SLIT3: variants seen among roughly 807,000 people sequenced by gnomAD.
SLIT3 encodes the protein slit guidance ligand 3.
Under a neutral mutation model 184.0 loss-of-function variants are expected in SLIT3, and 68 were observed. That is an observed-to-expected ratio of 0.37 (90% confidence interval 0.30 to 0.45). SLIT3 has a LOEUF of 0.45. Ranked by LOEUF, SLIT3 falls within the 20% of genes least tolerant of loss-of-function variation. SLIT3 has a pLI of 1.00. For synonymous variants in SLIT3, 831 were observed against 828.6 expected (o/e 1.00, Z -0.05); for missense variants, 1,707 against 2,026.0 (o/e 0.84, Z 3.02).
intron 4 of SLIT3, among the ~76,000 whole-genome samples, chr5:169,180,333 G>T (rs57052780): frequency 0.011 from 1,609 of 152,338 alleles, 36 homozygotes; most frequent in African/African-American, 0.036. Flanking sequence ...AGTACCAGGG[G>T]TCAGATGATG....
intron 1 of SLIT3, among the ~76,000 whole-genome samples, chr5:169,268,208 C>T (rs527485482): frequency 2.6e-5 from 4 of 152,096 alleles, no homozygotes; most frequent in Non-Finnish European, 4.4e-5. Context: ...AGGTCTGTTG[C>T]GAAGGAGGAG....
chr5:168,683,275 C>T (rs1053025930), intron 32 of SLIT3, among the ~76,000 whole-genome samples: 4 of 149,596 alleles, frequency 2.7e-5, no homozygotes, highest in Admixed American at 6.8e-5. Flanking sequence ...GAGGCTGAGG[C>T]GGGAGAATTG....
chr5:169,146,461 A>C (rs1445180559), intron 4 of SLIT3, among the ~76,000 whole-genome samples: 1 of 151,984 alleles, frequency 6.6e-6, no homozygotes, highest in African/African-American at 2.4e-5. Flanking sequence ...TCATCACTTC[A>C]TTTCCCCTGG....
intron 2 of SLIT3, among the ~76,000 whole-genome samples, chr5:169,248,110 C>G (rs1186068338): frequency 6.6e-6 from 1 of 152,094 alleles, no homozygotes; most frequent in Admixed American, 6.5e-5. Flanking sequence ...GTCAAGCAGT[C>G]CCTACTTTTG....
intron 20 of SLIT3, among the ~76,000 whole-genome samples, chr5:168,738,662 G>A (rs1407098228): frequency 1.3e-5 from 2 of 152,176 alleles, no homozygotes; most frequent in African/African-American, 4.8e-5. Flanking sequence ...TCACAGGCTG[G>A]GCACGGTGGC....
chr5:169,049,258 C>G (rs1318287574), intron 4 of SLIT3, among the ~76,000 whole-genome samples: 1 of 152,000 alleles, frequency 6.6e-6, no homozygotes, highest in Non-Finnish European at 1.5e-5. Context: ...TTTCTGTATG[C>G]TACATCTAAT....
chr5:168,954,079 G>A (rs1020534662), intron 4 of SLIT3, among the ~76,000 whole-genome samples: 2 of 152,114 alleles, frequency 1.3e-5, no homozygotes, highest in African/African-American at 4.8e-5. Flanking sequence ...AACAGTTCAT[G>A]GAAAATGGTC....
At chr5:169,129,052 G>A (rs1465797636) in intron 4 of SLIT3, among the ~76,000 whole-genome samples, 2 of 152,174 alleles carry the variant, frequency 1.3e-5, no homozygotes, top group Non-Finnish European at 2.9e-5. Context: ...CGGCAGGGGA[G>A]CGGGGGTTAT....
intron 5 of SLIT3, among the ~76,000 whole-genome samples, chr5:168,859,673 T>G (rs1291643525): frequency 2.0e-5 from 3 of 152,248 alleles, no homozygotes; most frequent in Non-Finnish European, 2.9e-5. Context: ...TACTTTTCAA[T>G]GAGACTAAAA....
chr5:169,022,937 T>C (rs1756658817), intron 4 of SLIT3: 2 of 151,980 alleles, frequency 1.3e-5, no homozygotes, highest in Admixed American at 1.3e-4. Flanking sequence ...GGGCAAAAGG[T>C]GAACAGGTAA....
chr5:168,859,476 A>G (rs190660170), intron 5 of SLIT3, among the ~76,000 whole-genome samples: 1 of 152,344 alleles, frequency 6.6e-6, no homozygotes, highest in East Asian at 1.9e-4. Context: ...AAATTAATGT[A>G]TGGCACAAAG....
intron 26 of SLIT3, among the ~76,000 whole-genome samples, chr5:168,701,720 C>T (rs964532275): frequency 2.0e-5 from 3 of 152,172 alleles, no homozygotes; most frequent in East Asian, 1.9e-4. Flanking sequence ...GACCTGGTAG[C>T]GTGGGGCCTG....
At chr5:168,964,454 G>C (rs554997645) in intron 4 of SLIT3, among the ~76,000 whole-genome samples, 1 of 152,118 alleles carries the variant, frequency 6.6e-6, no homozygotes, top group Non-Finnish European at 1.5e-5. Context: ...CGTATTATTG[G>C]CCAACAAAAC....
chr5:168,911,159 C>A (rs761396947), intron 4 of SLIT3, among the ~76,000 whole-genome samples: 3 of 152,112 alleles, frequency 2.0e-5, no homozygotes, highest in Non-Finnish European at 4.4e-5. Context: ...ACAAATACTG[C>A]ACGTTAATTA....
At chr5:168,678,686 AAAACAAAC>A (rs914331874) in intron 32 of SLIT3, among the ~76,000 whole-genome samples, 2 of 152,138 alleles carry the variant, frequency 1.3e-5, no homozygotes, top group East Asian at 1.9e-4. Context: ...CTGTCTCAAA[AAAACAAAC>A]AAACAAACAA....
In SLIT3 at chr5:168,762,664, G is replaced by A. The variant is rs1755199960; in HGVS notation, c.1485C>T (p.Phe495=). The A allele has an allele frequency of 3.1e-6, 5 of 1,614,052 alleles. No individual in the cohort carries two copies. Among genetic ancestry groups the A allele is most frequent in the Non-Finnish European group, 4.2e-6 (5 of 1,179,974 alleles). The part of the protein sequence containing the change: ...CSGSEDYRSR[F]SSECFMDLVC... ...CGAGGTCCATGAAGCACTCGCTGCTGAACCTGCTGCGGTAATCCTCGGAGC... is the reference window on the plus strand; with the variant it reads ...CGAGGTCCATGAAGCACTCGCTGCTAAACCTGCTGCGGTAATCCTCGGAGC... Residue 495 remains phenylalanine, a synonymous_variant, in exon 15 of 36, where the codon TTC becomes TTT. Coordinates refer to ENST00000519560, the MANE Select transcript of SLIT3 (RefSeq NM_003062.4).
At chr5:168,781,765 T>A (rs1581076097) in intron 12 of SLIT3, among the ~76,000 whole-genome samples, 2 of 152,202 alleles carry the variant, frequency 1.3e-5, no homozygotes, top group African/African-American at 4.8e-5. Context: ...AAACCGGCTC[T>A]GCAGATCTGC....
At chr5:169,009,498 C>A (rs986728899) in intron 4 of SLIT3, among the ~76,000 whole-genome samples, 5 of 152,246 alleles carry the variant, frequency 3.3e-5, no homozygotes, top group African/African-American at 9.6e-5. Context: ...GGCCCCCTGG[C>A]CCCACCCAGA....
chr5:168,675,061 T>C (rs532623074), intron 32 of SLIT3, among the ~76,000 whole-genome samples: 6 of 152,246 alleles, frequency 3.9e-5, no homozygotes, highest in African/African-American at 9.6e-5. Context: ...GACTCCCAAA[T>C]TGTGCTCTTT....
Sources: gnomAD v4.1 joint callset for allele counts (sites outside exome capture counted in the v4.1 genomes callset) on GRCh38, gnomAD v4.1.1 for gene constraint, MANE v1.5 for transcripts, NCBI Gene and HGNC (gene_info 2026-07-23, HGNC 2026-07-21) for gene names.